Variants in COL4A3 observed in about 807,000 individuals in gnomAD.
COL4A3 encodes the protein collagen type IV alpha 3 chain, also known as collagen alpha-3(IV) chain.
In COL4A3, 135 loss-of-function variants were observed where a neutral mutation model predicts 217.4. The observed-to-expected ratio is 0.62, with a 90% CI of 0.54 to 0.72. The LOEUF (loss-of-function observed/expected upper bound fraction) is 0.72. COL4A3 is among the 30% of genes least tolerant of loss of function. COL4A3 has a pLI of 0.00. For missense variants in COL4A3, 1,868 were observed against 2,119.9 expected (o/e 0.88, Z 2.33); for synonymous variants, 690 against 736.3 (o/e 0.94, Z 1.02).
intron 28 of COL4A3, among the ~76,000 whole-genome samples, chr2:227,278,398 A>ATGT (rs1366793276): frequency 6.6e-6 from 1 of 152,192 alleles, no homozygotes; most frequent in East Asian, 1.9e-4. Context: ...TGACAATTTC[A>ATGT]TGTTTGTTAC....
At position 227,308,904 on chromosome 2, in the gene COL4A3, C is replaced by T; in HGVS notation, c.4468C>T (p.Leu1490Phe). ...QRAHGQDLGT[L>F]GSCLQRFTTM... ...TCAGTCTGATGTTTCATTAGGAACT[C>T]TTGGCAGCTGCCTGCAGCGATTTAC... Residue 1490 changes from leucine to phenylalanine, a missense_variant, in exon 49 of 52, where the codon CTT becomes TTT. Leu to Phe is a conservative substitution (Grantham distance 22). Transcript: ENST00000396578. The T allele has an allele frequency of 6.2e-7, 1 of 1,613,930 alleles. No individual in the cohort carries two copies. Among genetic ancestry groups the T allele is most frequent in the Admixed American group, 1.7e-5 (1 of 60,028 alleles).
Position 227,304,158 on chromosome 2 carries a change from A to C in COL4A3, c.4153+14A>C. 3 of 1,613,684 alleles carry C rather than the reference A, an allele frequency of 1.9e-6. No homozygotes were observed. The highest frequency in any genetic ancestry group is 1.3e-5 in the African/African-American group (1 of 75,056). On this transcript the variant is annotated intron_variant, in intron 46 of 51. Coordinates refer to ENST00000396578, the MANE Select transcript of COL4A3 (RefSeq NM_000091.5). Reference sequence around the variant, plus strand: ...CTGGAAACCTAGGTGTGGGACTGGCAGCATTGACTTGGATCACTAGGAAGT... The same window carrying C: ...CTGGAAACCTAGGTGTGGGACTGGCCGCATTGACTTGGATCACTAGGAAGT...
chr2:227,179,811 A>G (rs1279596184), intron 1 of COL4A3, among the ~76,000 whole-genome samples: 2 of 152,232 alleles, frequency 1.3e-5, no homozygotes, highest in East Asian at 3.8e-4. Flanking sequence ...ACGTGTGCAG[A>G]GAATAATAGT....
chr2:227,234,194 G>A (rs2068565348), intron 1 of COL4A3, among the ~76,000 whole-genome samples: 1 of 152,068 alleles, frequency 6.6e-6, no homozygotes, highest in South Asian at 2.1e-4. Flanking sequence ...GAGAAAGAGA[G>A]AAGGAGAGAC....
intron 14 of COL4A3, 141 bp from the exon 15 acceptor site, chr2:227,254,515 A>G (rs78557604): frequency 5.9e-5 from 44 of 749,266 alleles, no homozygotes; most frequent in Non-Finnish European, 8.1e-5. Context: ...CTATTCATCA[A>G]TAAGATTTCT....
chr2:227,295,206 C>T (rs373423769), intron 40 of COL4A3, 63 bp from the exon 41 acceptor site: 77 of 1,572,696 alleles, frequency 4.9e-5, no homozygotes, highest in Non-Finnish European at 6.2e-5. Flanking sequence ...CTAAACTTTT[C>T]TCATAGACAT....
rs2070937093 is a variant in COL4A3, at chr2:227,267,012, T to C, written c.1428T>C (p.Cys476=). The change falls in exon 23 of 52, where the codon TGT becomes TGC. Residue 476 remains cysteine, a synonymous_variant. Transcript: ENST00000396578. The part of the protein sequence containing the change: ...DGPKGEPGLL[C]TQCPYIPGPP... Reference sequence around the variant, plus strand: ...TTGCAGGAGAACCAGGCCTCCTGTGTACACAGTGCCCTTATATCCCAGGGC... The same window carrying C: ...TTGCAGGAGAACCAGGCCTCCTGTGCACACAGTGCCCTTATATCCCAGGGC... The C allele has an allele frequency of 6.2e-7, 1 of 1,613,844 alleles. No individual in the cohort carries two copies. The highest frequency in any genetic ancestry group is 1.3e-5 in the African/African-American group (1 of 74,938).
At chr2:227,227,389 G>A (rs1320711715) in intron 1 of COL4A3, among the ~76,000 whole-genome samples, 1 of 152,128 alleles carries the variant, frequency 6.6e-6, no homozygotes, top group Non-Finnish European at 1.5e-5. Context: ...TTGAGCTCAG[G>A]AGTTTGAGAC....
intron 29 of COL4A3, 100 bp from the exon 30 acceptor site, chr2:227,280,340 G>A: frequency 1.5e-6 from 2 of 1,315,352 alleles, no homozygotes; most frequent in Non-Finnish European, 2.2e-6. Context: ...TGACATGGTA[G>A]TGGCTGTGCA....
At chr2:227,269,030 C>T in intron 23 of COL4A3, among the ~76,000 whole-genome samples, 1 of 152,086 alleles carries the variant, frequency 6.6e-6, no homozygotes, top group South Asian at 2.1e-4. Context: ...TAAAAAGATA[C>T]ACCCCAGCTC....
intron 42 of COL4A3, 138 bp from the exon 43 acceptor site, chr2:227,298,544 C>A (rs2073135198): frequency 2.4e-6 from 3 of 1,254,296 alleles, no homozygotes; most frequent in Non-Finnish European, 3.4e-6. Context: ...TACCACAATC[C>A]CATCACATGC....
rs1183958961 is a variant in COL4A3 at position 227,297,791 on chromosome 2, G to A, written c.3683G>A (p.Gly1228Asp). 1.9e-6 allele frequency: 3 copies of A among 1,577,534 alleles called. No individual in the cohort carries two copies. The South Asian group carries it at 3.5e-5, about 18-fold the overall frequency. ...TGIEGFPGPP[G>D]LPGAIIPGQT... is the part of the protein sequence containing the mutation. ...ATAGAAGGATTCCCAGGGCCACCAGGTCTGCCCGGTGCAATTATCCCTGGC... is the reference window on the plus strand; with the variant it reads ...ATAGAAGGATTCCCAGGGCCACCAGATCTGCCCGGTGCAATTATCCCTGGC... Residue 1228 changes from glycine (G) to aspartate (D), a missense_variant, in exon 42 of 52, where the codon GGT becomes GAT. Coordinates refer to ENST00000396578, the MANE Select transcript of COL4A3 (RefSeq NM_000091.5).
chr2:227,238,208 A>G, intron 2 of COL4A3, 184 bp downstream of exon 2: 2 of 492,052 alleles, frequency 4.1e-6, no homozygotes, highest in East Asian at 7.1e-5. Context: ...TCATCTAGGA[A>G]GCTTCAGATA....
At chr2:227,232,635 A>C (rs1203309423) in intron 1 of COL4A3, among the ~76,000 whole-genome samples, 1 of 151,906 alleles carries the variant, frequency 6.6e-6, no homozygotes, top group Non-Finnish European at 1.5e-5. Flanking sequence ...GATTTTGAGC[A>C]CCTTTTCATA....
intron 41 of COL4A3, among the ~76,000 whole-genome samples, 167 bp downstream of exon 41, chr2:227,295,483 C>T (rs568588741): frequency 1.3e-5 from 2 of 152,162 alleles, no homozygotes; most frequent in South Asian, 2.1e-4. Flanking sequence ...TTAATTATTA[C>T]CATCACAACA....
chr2:227,196,472 C>A (rs764603068), intron 1 of COL4A3, among the ~76,000 whole-genome samples: 36 of 131,820 alleles, frequency 2.7e-4, no homozygotes, highest in Non-Finnish European at 4.6e-4. Context: ...CACCGGCCAC[C>A]ATGCCTGGCT....
intron 23 of COL4A3, among the ~76,000 whole-genome samples, chr2:227,269,117 A>C (rs1001099540): frequency 6.6e-6 from 1 of 152,234 alleles, no homozygotes; most frequent in Non-Finnish European, 1.5e-5. Flanking sequence ...AGGTCATTTA[A>C]AGGGATCATC....
In COL4A3 at chr2:227,246,897, C is replaced by T. The variant is rs189244528; in HGVS notation, c.441+159C>T. ...TAGTTAGGGAATGGATGAATACATG[C>T]ATTATGAGTGTAGGATTAGAGGTTG... On this transcript the variant is annotated intron_variant, in intron 7 of 51. Coordinates refer to ENST00000396578, the MANE Select transcript of COL4A3 (RefSeq NM_000091.5). 38 of 750,254 alleles carry T rather than the reference C, an allele frequency of 5.1e-5. No homozygotes were observed. In the Admixed American group the frequency reaches 5.6e-4, roughly 11 times the overall value. 46.5% of individuals were successfully genotyped at this position (750,254 alleles called of 1,614,324 possible).
At chr2:227,256,655 A>G in intron 17 of COL4A3, 1 of 647,440 alleles carries the variant, frequency 1.5e-6, no homozygotes, top group Non-Finnish European at 2.9e-6. Context: ...GCAGCTTCCC[A>G]TGAGGAAGAG....
Sources: allele counts gnomAD v4.1 joint callset (sites outside exome capture counted in the v4.1 genomes callset), GRCh38; gene constraint gnomAD v4.1.1; transcripts MANE v1.5; gene names NCBI Gene and HGNC (gene_info 2026-07-23, HGNC 2026-07-21).